TFPT: variants seen among roughly 807,000 people sequenced by gnomAD.
TFPT encodes INO80 complex subunit F.
A neutral mutation model predicts 28.8 loss-of-function variants in TFPT; 27 were observed. The ratio of observed to expected loss-of-function variants is 0.94; its 90% CI spans 0.69 to 1.29. TFPT has a LOEUF of 1.29. TFPT is among the 50% of genes most tolerant of loss of function. TFPT has a pLI of 0.00. For synonymous variants in TFPT, 152 were observed against 142.8 expected (o/e 1.06, Z -0.46); for missense variants, 330 against 338.0 (o/e 0.98, Z 0.19).
chr19:54,115,219 A>C, intron 1 of TFPT, 28 bp downstream of exon 1: 2 of 1,614,086 alleles, frequency 1.2e-6, no homozygotes, highest in East Asian at 2.2e-5. Context: ...TGGGATTCGC[A>C]CTTTTTCACA....
At chr19:54,114,784 C>G (rs867647384) in intron 1 of TFPT, 84 bp from the exon 2 acceptor site, 1 of 1,511,010 alleles carries the variant, frequency 6.6e-7, no homozygotes, top group Non-Finnish European at 8.8e-7. Context: ...CAGACCCCAA[C>G]CCCTCCTCCC....
chr19:54,113,611 G>A lies in TFPT; in HGVS notation c.282+831C>T, dbSNP rs1021226901. On this transcript the variant is annotated intron_variant, in intron 2 of 5. Coordinates refer to ENST00000391759, the MANE Select transcript of TFPT (RefSeq NM_013342.4). ...CTTCAGTGGCTCCTTCACTCTCAAG[G>A]AAAAAAAAATATCCAGACTTCTTGT... 1.7e-4 allele frequency among the ~76,000 whole-genome samples: 25 copies of A among 151,070 alleles called. 1 individual carries two copies. The highest frequency in any genetic ancestry group is 1.6e-3 in the Admixed American group (24 of 15,166).
chr19:54,113,806 C>T (rs1214833768), intron 2 of TFPT, among the ~76,000 whole-genome samples: 2 of 152,216 alleles, frequency 1.3e-5, no homozygotes, highest in South Asian at 2.1e-4. Flanking sequence ...ATTCTCATGC[C>T]TCAGCCTCCC....
intron 2 of TFPT, among the ~76,000 whole-genome samples, chr19:54,110,830 C>G (rs1258719866): frequency 6.6e-6 from 1 of 152,170 alleles, no homozygotes; most frequent in African/African-American, 2.4e-5. Flanking sequence ...CGCCTCTTTG[C>G]TTATTCTGCT....
chr19:54,114,732 G>A, intron 1 of TFPT, 32 bp from the exon 2 acceptor site: 11 of 1,591,468 alleles, frequency 6.9e-6, no homozygotes, highest in Non-Finnish European at 8.5e-6. Flanking sequence ...AGGGGCCCTG[G>A]ATCCTGGACC....
chr19:54,110,556 A>G (rs587642226), intron 2 of TFPT, among the ~76,000 whole-genome samples: 6 of 151,972 alleles, frequency 3.9e-5, no homozygotes, highest in African/African-American at 1.4e-4. Flanking sequence ...ATGAAACCCC[A>G]TCTCTACTAA....
At chr19:54,109,213 G>GA (rs2073373703) in intron 3 of TFPT, 1 of 154,646 alleles carries the variant, frequency 6.5e-6, no homozygotes, top group Admixed American at 6.4e-5. Flanking sequence ...CAACTTAAGT[G>GA]AAAATCTCAC....
intron 2 of TFPT, among the ~76,000 whole-genome samples, chr19:54,112,253 C>CA (rs55825377): frequency 7.2e-4 from 103 of 143,728 alleles, no homozygotes; most frequent in African/African-American, 2.3e-3. Context: ...GACCCTGTCT[C>CA]AAAAAAAAAA....
chr19:54,108,020 C>T lies in TFPT; in HGVS notation c.642+6G>A, dbSNP rs746366280. 9 of 1,517,122 alleles carry T rather than the reference C, an allele frequency of 5.9e-6. No homozygotes were observed. The highest frequency in any genetic ancestry group is 7.9e-6 in the Non-Finnish European group (9 of 1,133,818). The allele number at this position is 1,517,122 out of a possible 1,614,324, so 94.0% of individuals were successfully genotyped here. A position where few individuals can be genotyped will look rare whatever the true frequency, so the allele number is the denominator to read the frequency against. ...GTCCCTCCCCTTGAGTTCCCGCCTT[C>T]CTCACCTGCACCGGGGCCAGCTCTG... On this transcript the variant is annotated splice_donor_region_variant and intron_variant, in intron 5 of 5. Transcript: ENST00000391759.
intron 5 of TFPT, 29 bp from the exon 6 acceptor site, chr19:54,107,198 C>T: frequency 1.3e-6 from 2 of 1,595,906 alleles, no homozygotes; most frequent in South Asian, 2.2e-5. Context: ...AAGGTGTTAA[C>T]AGGCCTGGGA....
intron 2 of TFPT, among the ~76,000 whole-genome samples, chr19:54,113,147 G>A (rs2073503227): frequency 1.3e-5 from 2 of 151,072 alleles, no homozygotes; most frequent in Admixed American, 6.6e-5. Context: ...CCAAAAGAGG[G>A]TGTTGAGGCT....
At chr19:54,114,386 G>C in intron 2 of TFPT, 56 bp downstream of exon 2, 1 of 1,563,664 alleles carries the variant, frequency 6.4e-7, no homozygotes, top group Non-Finnish European at 8.6e-7. Context: ...AGAGATTGCG[G>C]GGGGCGGTAG....
At chr19:54,110,173 G>C in intron 2 of TFPT, 52 bp from the exon 3 acceptor site, 1 of 1,595,528 alleles carries the variant, frequency 6.3e-7, no homozygotes, top group Non-Finnish European at 8.6e-7. Context: ...CCGTTCATTT[G>C]TTTAACGGAT....
intron 2 of TFPT, among the ~76,000 whole-genome samples, chr19:54,111,929 G>C (rs1555788841): frequency 2.0e-5 from 3 of 152,118 alleles, no homozygotes; most frequent in Non-Finnish European, 4.4e-5. Context: ...GCAGTGAGCT[G>C]AGATTGCAGC....
In TFPT at chr19:54,109,712, C is replaced by CA. The variant is rs59659074; in HGVS notation, c.353+338dup. Among the ~76,000 whole-genome samples, 290 of 143,978 alleles carry CA rather than the reference C, an allele frequency of 2.0e-3. 3 individuals carry two copies. The highest frequency in any genetic ancestry group is 6.1e-3 in the African/African-American group (238 of 38,804). 94.5% of individuals were successfully genotyped at this position (143,978 alleles called of 152,430 possible). ...ACACTGCTTGCTTAGAGTCACACAG[C>CA]AAAAAAAAAAGAAAATACTTGCAGT... On this transcript the variant is annotated intron_variant, in intron 3 of 5. Coordinates refer to ENST00000391759, the MANE Select transcript of TFPT (RefSeq NM_013342.4).
Position 54,115,622 on chromosome 19 carries a change from C to A in TFPT, c.-353G>T, listed in dbSNP as rs1292475706. 2 of 426,138 alleles carry A rather than the reference C, an allele frequency of 4.7e-6. No homozygotes were observed. Among genetic ancestry groups the A allele is most frequent in the Non-Finnish European group, 8.5e-6 (2 of 236,246 alleles). The allele number at this position is 426,138 out of a possible 1,614,324, so 26.4% of individuals were successfully genotyped here. A position where few individuals can be genotyped will look rare whatever the true frequency, so the allele number is the denominator to read the frequency against. ...ACGTGAGTCCCTTTCCTCCTCGCGGCTTACCGCCTCTCTCCGCCTAGTGCC... is the reference window on the plus strand; with the variant it reads ...ACGTGAGTCCCTTTCCTCCTCGCGGATTACCGCCTCTCTCCGCCTAGTGCC... On this transcript the variant is annotated 5_prime_UTR_variant, in exon 1 of 6. Coordinates refer to ENST00000391759, the MANE Select transcript of TFPT (RefSeq NM_013342.4).
chr19:54,113,594 G>A (rs2073517055), intron 2 of TFPT, among the ~76,000 whole-genome samples: 1 of 151,654 alleles, frequency 6.6e-6, no homozygotes, highest in Non-Finnish European at 1.5e-5. Flanking sequence ...CCCTTCAGTG[G>A]CTCCTTCACT....
rs1395405954 is a variant in TFPT at position 54,115,431 on chromosome 19, G to T, written c.-162C>A. On this transcript the variant is annotated 5_prime_UTR_variant, in exon 1 of 6. Transcript: ENST00000391759. The stretch of plus-strand genomic sequence containing the variant: ...GTTGTAGTTTCCTGTTTCCGGCTTC[G>T]CTTCGGCCCACCCCCACGTCCACCC... The T allele has an allele frequency of 8.4e-6, 8 of 953,978 alleles. No homozygotes were observed. The highest frequency in any genetic ancestry group is 6.0e-5 in the South Asian group (4 of 67,210). 59.1% of individuals were successfully genotyped at this position (953,978 alleles called of 1,614,324 possible).
Position 54,110,165 on chromosome 19 carries a change from G to A in TFPT, c.283-44C>T, listed in dbSNP as rs111389529. 2.4e-5 allele frequency: 39 copies of A among 1,603,460 alleles called. No homozygotes were observed. In the African/African-American group the frequency reaches 2.7e-4, roughly 11 times the overall value. The stretch of plus-strand genomic sequence containing the variant: ...CCATCAGCTGGATCCCACGGCTCCC[G>A]TTCATTTGTTTAACGGATGTTTAAT... On this transcript the variant is annotated intron_variant, in intron 2 of 5. Coordinates refer to ENST00000391759, the MANE Select transcript of TFPT (RefSeq NM_013342.4).
Sources: gnomAD v4.1 joint callset for allele counts (sites outside exome capture counted in the v4.1 genomes callset) on GRCh38, gnomAD v4.1.1 for gene constraint, MANE v1.5 for transcripts, NCBI Gene and HGNC (gene_info 2026-07-23, HGNC 2026-07-21) for gene names.